KAT6B: variants seen among roughly 807,000 people sequenced by gnomAD.
KAT6B encodes the protein histone acetyltransferase KAT6B.
KAT6B carries 10 observed loss-of-function variants against 187.5 expected under a neutral mutation model. The ratio of observed to expected loss-of-function variants is 0.05; its 90% CI spans 0.03 to 0.09. The LOEUF is 0.09. KAT6B is among the 10% of genes least tolerant of loss of function. The probability of loss-of-function intolerance (pLI) is 1.00; values close to 1 mark genes in which losing one functional copy is unlikely to be tolerated. For missense variants in KAT6B, 1,952 were observed against 2,558.9 expected, an observed-to-expected ratio of 0.76 and a Z score of 5.12; for synonymous variants, 861 against 926.8, an observed-to-expected ratio of 0.93 and a Z score of 1.29.
intron 3 of KAT6B, among the ~76,000 whole-genome samples, chr10:74,915,164 G>A (rs1847578850): frequency 6.6e-6 from 1 of 152,068 alleles, no homozygotes; most frequent in Non-Finnish European, 1.5e-5. Context: ...TCTTCATAGT[G>A]ATGATAATCA....
At chr10:75,022,332 T>C (rs986660397) in intron 16 of KAT6B, 101 bp downstream of exon 16, 2 of 1,325,036 alleles carry the variant, frequency 1.5e-6, no homozygotes, top group South Asian at 2.4e-5. Context: ...CTCTGTTCTT[T>C]AGTCGTAGTT....
At chr10:75,018,880 C>A (rs543591250) in intron 13 of KAT6B, among the ~76,000 whole-genome samples, 1 of 152,200 alleles carries the variant, frequency 6.6e-6, no homozygotes, top group South Asian at 2.1e-4. Flanking sequence ...TGGTTCTCAC[C>A]CCCCCAGGAG....
At chr10:74,892,778 G>A (rs1337241210) in intron 3 of KAT6B, among the ~76,000 whole-genome samples, 10 of 152,156 alleles carry the variant, frequency 6.6e-5, no homozygotes, top group African/African-American at 1.7e-4. Flanking sequence ...GTGCTGCTGT[G>A]GGATTAGAAT....
intron 3 of KAT6B, among the ~76,000 whole-genome samples, chr10:74,937,639 G>A (rs575347694): frequency 6.6e-6 from 1 of 152,268 alleles, no homozygotes; most frequent in Non-Finnish European, 1.5e-5. Flanking sequence ...GTAATGCAAT[G>A]GTTCTAAAGC....
chr10:75,021,211 G>C lies in KAT6B; in HGVS notation c.2947G>C (p.Asp983His), dbSNP rs771447540. ...TTCCAGAGCCAATGAACTTGATCCA[G>C]ACAGTCTGAGGTGGACCCCAATTTT... ...TCSRANELDP[D>H]SLRWTPILIS... is the part of the protein sequence containing the mutation. Residue 983 changes from aspartate (D) to histidine (H), a missense_variant, in exon 15 of 18, where the codon GAC (aspartate) becomes CAC (histidine). By Grantham distance (81) the Asp-to-His change is moderately conservative. This residue lies in a region of KAT6B where 758 missense variants were observed against 891.4 expected (regional missense o/e 0.85). Coordinates refer to ENST00000287239, the MANE Select transcript of KAT6B (RefSeq NM_012330.4). 1 of 1,614,186 alleles carries C rather than the reference G, an allele frequency of 6.2e-7. No homozygotes were observed. The highest frequency in any genetic ancestry group is 8.5e-7 in the Non-Finnish European group (1 of 1,180,014).
At chr10:74,918,083 CACA>C (rs1847834775) in intron 3 of KAT6B, among the ~76,000 whole-genome samples, 1 of 151,966 alleles carries the variant, frequency 6.6e-6, no homozygotes, top group African/African-American at 2.4e-5. Context: ...TTTTAAACTG[CACA>C]ACATTAAGAT....
chr10:74,876,689 G>GGA (rs1274747011), intron 3 of KAT6B, among the ~76,000 whole-genome samples: 1 of 151,890 alleles, frequency 6.6e-6, no homozygotes, highest in African/African-American at 2.4e-5. Context: ...CGAGGTGGTC[G>GGA]GATCACCTGA....
At chr10:74,915,705 A>C (rs1353408500) in intron 3 of KAT6B, among the ~76,000 whole-genome samples, 1 of 152,216 alleles carries the variant, frequency 6.6e-6, no homozygotes, top group African/African-American at 2.4e-5. Context: ...CAGATAAAGA[A>C]GTATCTAGTT....
intron 3 of KAT6B, among the ~76,000 whole-genome samples, chr10:74,854,680 A>G (rs1460361851): frequency 1.3e-5 from 2 of 152,192 alleles, no homozygotes. Context: ...ACTATTTTTT[A>G]GAAACCAGCT....
intron 13 of KAT6B, among the ~76,000 whole-genome samples, chr10:74,994,194 T>G (rs977106127): frequency 6.6e-6 from 1 of 152,228 alleles, no homozygotes; most frequent in African/African-American, 2.4e-5. Flanking sequence ...CTTCCCCATT[T>G]ATTTAATTTT....
chr10:74,931,352 C>T (rs1848860587), intron 3 of KAT6B, among the ~76,000 whole-genome samples: 1 of 136,856 alleles, frequency 7.3e-6, no homozygotes, highest in African/African-American at 3.5e-5. Context: ...CAGTTTGTTT[C>T]TGAACTGACT....
intron 3 of KAT6B, among the ~76,000 whole-genome samples, chr10:74,927,085 T>G (rs1469072596): frequency 1.3e-5 from 2 of 152,194 alleles, no homozygotes; most frequent in African/African-American, 2.4e-5. Flanking sequence ...TCCAGAAATA[T>G]TATCACAAAA....
chr10:74,909,370 C>CTAAA lies in KAT6B; in HGVS notation c.622-50585_622-50582dup, dbSNP rs562954255. On this transcript the variant is annotated intron_variant, in intron 3 of 17. Transcript: ENST00000287239. ...TGGGAGACAGAGCAAGACAACATCT[C>CTAAA]TAAATAAATAAATAAATATAATGTA... Among the ~76,000 whole-genome samples the CTAAA allele has an allele frequency of 3.8e-3, 583 of 152,268 alleles. 3 individuals are homozygous for CTAAA. Among genetic ancestry groups the CTAAA allele is most frequent in the African/African-American group, 0.013 (555 of 41,550 alleles).
At chr10:74,938,287 G>T (rs910774737) in intron 3 of KAT6B, among the ~76,000 whole-genome samples, 16 of 152,100 alleles carry the variant, frequency 1.1e-4, no homozygotes, top group Admixed American at 2.0e-4. Context: ...GACGTTAAAA[G>T]ATGTTCTGTT....
chr10:74,998,420 A>G (rs923193550), intron 13 of KAT6B, among the ~76,000 whole-genome samples: 4 of 152,078 alleles, frequency 2.6e-5, no homozygotes, highest in Non-Finnish European at 5.9e-5. Context: ...TTATAGCAAT[A>G]TGGACTCATA....
intron 16 of KAT6B, chr10:75,023,863 T>A (rs1845620370): frequency 6.6e-6 from 1 of 151,834 alleles, no homozygotes; most frequent in African/African-American, 2.4e-5. Context: ...TAAGTATTTT[T>A]AAAATAATAA....
chr10:74,889,646 C>A (rs61492818), intron 3 of KAT6B, among the ~76,000 whole-genome samples: 2 of 152,156 alleles, frequency 1.3e-5, no homozygotes, highest in South Asian at 2.1e-4. Context: ...AATCAAGGAG[C>A]CTTATCCAAT....
Position 74,888,478 on chromosome 10 carries a change from A to G in KAT6B, c.621+45000A>G, listed in dbSNP as rs1242906464. Reference sequence around the variant, plus strand: ...AAGGGAACAAATGGCCAATAAATACAAAGAGATGCTTAACTTCATTAATAA... The same window carrying G: ...AAGGGAACAAATGGCCAATAAATACGAAGAGATGCTTAACTTCATTAATAA... On this transcript the variant is annotated intron_variant, in intron 3 of 17. Transcript: ENST00000287239. Among the ~76,000 whole-genome samples the G allele has an allele frequency of 7.2e-5, 11 of 152,228 alleles. No individual in the cohort carries two copies. The East Asian group carries it at 2.1e-3, about 29-fold the overall frequency.
At chr10:75,021,418 T>C in intron 15 of KAT6B, 133 bp downstream of exon 15, 1 of 793,918 alleles carries the variant, frequency 1.3e-6, no homozygotes. Context: ...TGGCACTAAT[T>C]TATCCTAACT....
Sources: allele counts gnomAD v4.1 joint callset (sites outside exome capture counted in the v4.1 genomes callset), GRCh38; gene constraint gnomAD v4.1.1; regional missense constraint gnomAD v4.1.1; transcripts MANE v1.5; gene names NCBI Gene and HGNC (gene_info 2026-07-23, HGNC 2026-07-21).